Variants in PHACTR4 observed in about 807,000 individuals in gnomAD.
The protein encoded by PHACTR4 is phosphatase and actin regulator 4, also known as protein phosphatase 1, regulatory subunit 124.
A neutral mutation model predicts 72.7 loss-of-function variants in PHACTR4; 51 were observed. The observed-to-expected ratio is 0.70, with a 90% CI of 0.56 to 0.89. The LOEUF (loss-of-function observed/expected upper bound fraction) is 0.89. PHACTR4 is among the 40% of genes least tolerant of loss of function. The pLI is 0.00. For synonymous variants in PHACTR4, 255 were observed against 302.5 expected, an observed-to-expected ratio of 0.84 and a Z score of 1.63; for missense variants, 731 against 861.8, an observed-to-expected ratio of 0.85 and a Z score of 1.90.
At chr1:28,450,851 C>T (rs1657894543) in intron 2 of PHACTR4, among the ~76,000 whole-genome samples, 1 of 151,554 alleles carries the variant, frequency 6.6e-6, no homozygotes, top group Non-Finnish European at 1.5e-5. Context: ...TGCTCTGTGG[C>T]CCATGCTGGA....
intron 2 of PHACTR4, among the ~76,000 whole-genome samples, chr1:28,456,916 C>T (rs116225440): frequency 6.6e-6 from 1 of 150,768 alleles, no homozygotes; most frequent in African/African-American, 2.4e-5. Flanking sequence ...GATAGAGAGA[C>T]AGATAGATAG....
chr1:28,493,044 T>C lies in PHACTR4; in HGVS notation c.2046T>C (p.Phe682=). The C allele has an allele frequency of 6.2e-7, 1 of 1,613,516 alleles. No homozygotes were observed. Among genetic ancestry groups the C allele is most frequent in the South Asian group, 1.1e-5 (1 of 91,066 alleles). ...KAAIRKELNE[F]KSSEMEVHEE... is the part of the protein sequence containing the mutation. ...CCATAAGAAAAGAATTAAATGAATT[T>C]AAAAGCTCCGAGATGGAGGTTCATG... Residue 682 remains phenylalanine, a synonymous_variant, in exon 13 of 14, where the codon TTT becomes TTC. Coordinates refer to ENST00000373839, the MANE Select transcript of PHACTR4 (RefSeq NM_001048183.3).
rs144669163 is a variant in PHACTR4 at position 28,478,603 on chromosome 1, AGTTTTT to A, written c.1607-1823_1607-1818del. On this transcript the variant is annotated intron_variant, in intron 8 of 13. Transcript: ENST00000373839. ...TGTATCACCATGCCCAGCTCATTTT[AGTTTTT>A]GTTTTTGTTTTTGTTTTTGTTTTTT... is the stretch of plus-strand genomic sequence containing the variant. Among the ~76,000 whole-genome samples, 491 of 151,624 alleles carry A rather than the reference AGTTTTT, an allele frequency of 3.2e-3. 3 individuals carry two copies. The highest frequency in any genetic ancestry group is 0.011 in the African/African-American group (450 of 41,314).
chr1:28,463,236 G>T (rs1203734857), intron 4 of PHACTR4, among the ~76,000 whole-genome samples: 1 of 151,948 alleles, frequency 6.6e-6, no homozygotes, highest in Non-Finnish European at 1.5e-5. Flanking sequence ...CTTGATTATA[G>T]TGCTAACTTG....
chr1:28,437,698 A>C (rs950462251), intron 2 of PHACTR4, among the ~76,000 whole-genome samples: 2 of 152,160 alleles, frequency 1.3e-5, no homozygotes, highest in Non-Finnish European at 2.9e-5. Flanking sequence ...ATAAAGTACT[A>C]ATCCTATTAG....
chr1:28,414,317 C>T (rs965210957), intron 2 of PHACTR4, among the ~76,000 whole-genome samples: 3 of 151,700 alleles, frequency 2.0e-5, no homozygotes, highest in Non-Finnish European at 2.9e-5. Flanking sequence ...CCGCCTGCCT[C>T]GGCCTACCAA....
rs554267802 is a variant in PHACTR4 at position 28,479,247 on chromosome 1, C to G, written c.1607-1204C>G. On this transcript the variant is annotated intron_variant, in intron 8 of 13. Transcript: ENST00000373839. ...ATCAGCCTGGCCAATGTGGTGAAAC[C>G]CCATCTCTACTAAAAATAAAAAATT... Among the ~76,000 whole-genome samples the G allele has an allele frequency of 3.3e-5, 5 of 151,828 alleles. 1 individual carries two copies. The East Asian group carries it at 9.8e-4, about 30-fold the overall frequency.
At chr1:28,383,986 C>T (rs1557776977) in intron 1 of PHACTR4, among the ~76,000 whole-genome samples, 1 of 152,144 alleles carries the variant, frequency 6.6e-6, no homozygotes, top group East Asian at 1.9e-4. Context: ...ATATGTTGAA[C>T]CAACCTTGCA....
At chr1:28,454,618 A>C (rs1168519710) in intron 2 of PHACTR4, among the ~76,000 whole-genome samples, 1 of 152,140 alleles carries the variant, frequency 6.6e-6, no homozygotes, top group South Asian at 2.1e-4. Context: ...TGATAGAGCA[A>C]ACAGACAACA....
intron 1 of PHACTR4, among the ~76,000 whole-genome samples, chr1:28,384,975 C>T (rs1652450192): frequency 6.6e-6 from 1 of 152,122 alleles, no homozygotes; most frequent in Non-Finnish European, 1.5e-5. Flanking sequence ...AATGAGTTTT[C>T]AGTGTCTCAA....
At chr1:28,370,934 G>A (rs901704570) in intron 1 of PHACTR4, among the ~76,000 whole-genome samples, 21 of 151,928 alleles carry the variant, frequency 1.4e-4, no homozygotes, top group African/African-American at 5.1e-4. Context: ...AAAAAAAAAA[G>A]GAATGAAGCC....
At chr1:28,440,314 A>G (rs1204417928) in intron 2 of PHACTR4, among the ~76,000 whole-genome samples, 2 of 150,204 alleles carry the variant, frequency 1.3e-5, no homozygotes, top group Non-Finnish European at 3.0e-5. Context: ...AAAGAAAAAA[A>G]AAAAAAAAAA....
At chr1:28,476,772 CT>C (rs35369238) in intron 8 of PHACTR4, among the ~76,000 whole-genome samples, 10,728 of 98,458 alleles carry the variant, frequency 0.11, 1,056 homozygotes, top group South Asian at 0.18. Flanking sequence ...CTAGCCTGTT[CT>C]TTTTTTTTTT....
In PHACTR4 at chr1:28,480,596, A is replaced by G. The variant is rs370985343; in HGVS notation, c.1752A>G (p.Thr584=). ...AAATACGGCACCAGATTGGAAACACACTGATCCGGTAGGCCTTTGCTTAGA... is the reference window on the plus strand; with the variant it reads ...AAATACGGCACCAGATTGGAAACACGCTGATCCGGTAGGCCTTTGCTTAGA... ...WNEIRHQIGN[T]LIRRLSQRPT... is the part of the protein sequence containing the mutation. Residue 584 remains threonine (T), a synonymous_variant, in exon 9 of 14, where the codon ACA becomes ACG. Coordinates refer to ENST00000373839, the MANE Select transcript of PHACTR4 (RefSeq NM_001048183.3). 2.6e-5 allele frequency: 42 copies of G among 1,613,950 alleles called. No homozygotes were observed. Among genetic ancestry groups the G allele is most frequent in the Non-Finnish European group, 3.4e-5 (40 of 1,180,002 alleles).
intron 4 of PHACTR4, among the ~76,000 whole-genome samples, chr1:28,461,451 A>T (rs1049794746): frequency 2.0e-5 from 3 of 152,162 alleles, no homozygotes; most frequent in South Asian, 2.1e-4. Context: ...AAAAAAATTT[A>T]AAAAATCATA....
chr1:28,472,234 A>G (rs1391270355), intron 6 of PHACTR4, among the ~76,000 whole-genome samples: 2 of 151,858 alleles, frequency 1.3e-5, no homozygotes, highest in Admixed American at 1.3e-4. Context: ...TAGAGACAGT[A>G]GGATGCAGTC....
intron 1 of PHACTR4, among the ~76,000 whole-genome samples, chr1:28,388,288 A>T (rs1008073688): frequency 6.6e-6 from 1 of 152,214 alleles, no homozygotes; most frequent in Non-Finnish European, 1.5e-5. Context: ...AAAAGAATAA[A>T]GCCAGAGGCA....
chr1:28,393,521 A>G (rs1653223898), intron 1 of PHACTR4, among the ~76,000 whole-genome samples: 1 of 152,198 alleles, frequency 6.6e-6, no homozygotes, highest in South Asian at 2.1e-4. Flanking sequence ...TGCATTACTC[A>G]CGTTTGTGGT....
chr1:28,402,427 G>GGGGGTAT (rs1654009993), intron 1 of PHACTR4, among the ~76,000 whole-genome samples: 1 of 152,108 alleles, frequency 6.6e-6, no homozygotes, highest in Non-Finnish European at 1.5e-5. Context: ...GAATTTGTTT[G>GGGGGTAT]TATCATCAGT....
Sources: allele counts gnomAD v4.1 joint callset (sites outside exome capture counted in the v4.1 genomes callset), GRCh38; gene constraint gnomAD v4.1.1; transcripts MANE v1.5; gene names NCBI Gene and HGNC (gene_info 2026-07-23, HGNC 2026-07-21).